Variants in CAPS2 observed in about 807,000 individuals in gnomAD.
CAPS2 encodes calcyphosin-2.
In CAPS2, 98 loss-of-function variants were observed where a neutral mutation model predicts 86.5. The observed-to-expected ratio is 1.13, with a 90% CI of 0.96 to 1.34. The LOEUF is 1.34. CAPS2 is among the 40% of genes most tolerant of loss of function. The probability of loss-of-function intolerance (pLI) is 0.00; values close to 1 mark genes in which losing one functional copy is unlikely to be tolerated. For synonymous variants in CAPS2, 210 were observed against 225.1 expected (o/e 0.93, Z 0.60); for missense variants, 729 against 686.8 (o/e 1.06, Z -0.69).
Position 75,317,414 on chromosome 12 carries a change from G to C in CAPS2, c.469-980C>G, listed in dbSNP as rs370106418. On this transcript the variant is annotated intron_variant, in intron 5 of 16. Coordinates refer to ENST00000393284, the Ensembl canonical transcript of CAPS2. The stretch of plus-strand genomic sequence containing the variant: ...CCAAAAAGATGCTTAGCATTTATAG[G>C]TAAATTAAGCAGATTAATTTAATGC... Among the ~76,000 whole-genome samples the C allele has an allele frequency of 4.6e-5, 7 of 152,126 alleles. No individual in the cohort carries two copies. In the South Asian group the frequency reaches 1.5e-3, roughly 32 times the overall value.
chr12:75,341,231 T>C (rs975036202), intron 1 of CAPS2, among the ~76,000 whole-genome samples: 1 of 152,164 alleles, frequency 6.6e-6, no homozygotes, highest in African/African-American at 2.4e-5. Context: ...ATGTTTGTAA[T>C]AGCTCAAACT....
chr12:75,360,084 T>TG (rs755424427), intron 1 of CAPS2: 10 of 152,212 alleles, frequency 6.6e-5, no homozygotes, highest in Admixed American at 3.3e-4. Context: ...GAGAACAGCA[T>TG]GGGGGAAACT....
chr12:75,376,312 C>A (rs980913135), intron 1 of CAPS2, among the ~76,000 whole-genome samples: 2 of 152,212 alleles, frequency 1.3e-5, no homozygotes, highest in Non-Finnish European at 2.9e-5. Flanking sequence ...TTATCCCACA[C>A]CCTTAATATC....
In CAPS2 at chr12:75,278,158, G is replaced by T. The variant is rs558816193; in HGVS notation, c.*732C>A. On this transcript the variant is annotated 3_prime_UTR_variant, in exon 17 of 17. Transcript: ENST00000393284. ...AATAACAATCGTATGCTGGTAAAAA[G>T]GATTACAGTTAAAAAGCAGAATAAA... The T allele has an allele frequency of 1.0e-5, 10 of 955,092 alleles. No homozygotes were observed. In the African/African-American group the frequency reaches 1.8e-4, roughly 17 times the overall value. The allele number at this position is 955,092 out of a possible 1,614,324, so 59.2% of individuals were successfully genotyped here.
At chr12:75,293,842 CAA>C (rs955432467) in intron 11 of CAPS2, among the ~76,000 whole-genome samples, 2 of 152,184 alleles carry the variant, frequency 1.3e-5, no homozygotes, top group Non-Finnish European at 2.9e-5. Flanking sequence ...AAATTCCTAT[CAA>C]AAAATCTTAT....
At chr12:75,368,387 T>C (rs1381941440) in intron 1 of CAPS2, among the ~76,000 whole-genome samples, 1 of 151,924 alleles carries the variant, frequency 6.6e-6, no homozygotes, top group Non-Finnish European at 1.5e-5. Flanking sequence ...TCTCTTGAAC[T>C]AATGCTACTT....
At chr12:75,316,788 T>A (rs2039816585) in intron 5 of CAPS2, among the ~76,000 whole-genome samples, 1 of 152,212 alleles carries the variant, frequency 6.6e-6, no homozygotes, top group African/African-American at 2.4e-5. Context: ...TATTGTCCAA[T>A]TTGAATCTTT....
upstream of CAPS2, among the ~76,000 whole-genome samples, chr12:75,327,699 A>T (rs2040916632): frequency 6.6e-6 from 1 of 151,494 alleles, no homozygotes; most frequent in African/African-American, 2.4e-5. Flanking sequence ...CTATGAACCA[A>T]TGTTTCTATG....
intron 16 of CAPS2, 62 bp from the exon 17 acceptor site, chr12:75,279,127 G>A: frequency 7.5e-7 from 1 of 1,341,428 alleles, no homozygotes; most frequent in Non-Finnish European, 1.0e-6. Context: ...GACTGATGAT[G>A]ATAAAGGAAT....
rs1451418520 is a variant in CAPS2 at position 75,305,371 on chromosome 12, T to C, written c.660-495A>G. 8.1e-6 allele frequency: 3 copies of C among 371,878 alleles called. No homozygotes were observed. In the East Asian group the frequency reaches 1.8e-4, roughly 23 times the overall value. 23.0% of individuals were successfully genotyped at this position (371,878 alleles called of 1,614,324 possible). On this transcript the variant is annotated intron_variant, in intron 7 of 16. Transcript: ENST00000393284. ...TAAAAGGTGAGAGTACAAGACTTCC[T>C]CTCCAGGAGTCGGCGGAGGGAGGGC...
At chr12:75,306,081 G>C in intron 7 of CAPS2, 1 of 1,466,722 alleles carries the variant, frequency 6.8e-7, no homozygotes, top group East Asian at 2.3e-5. Flanking sequence ...GCGCGTCCTG[G>C]GGCTGCGGCC....
At chr12:75,328,699 T>A (rs1198483724), upstream of CAPS2, among the ~76,000 whole-genome samples, 1 of 152,220 alleles carries the variant, frequency 6.6e-6, no homozygotes, top group Admixed American at 6.5e-5. Flanking sequence ...TTAGATAAGA[T>A]GTTTAAAGCA....
chr12:75,336,413 T>C (rs1410122351), intron 1 of CAPS2, among the ~76,000 whole-genome samples: 1 of 151,774 alleles, frequency 6.6e-6, no homozygotes, highest in Non-Finnish European at 1.5e-5. Context: ...TCAGATTGGA[T>C]TAATGCTTTT....
intron 1 of CAPS2, among the ~76,000 whole-genome samples, chr12:75,341,928 A>T (rs775120224): frequency 3.3e-5 from 5 of 151,756 alleles, no homozygotes; most frequent in Non-Finnish European, 7.4e-5. Context: ...TTGTATTTTT[A>T]GTAGCGATGG....
intron 1 of CAPS2, among the ~76,000 whole-genome samples, chr12:75,356,906 G>A (rs2043190132): frequency 6.6e-6 from 1 of 152,126 alleles, no homozygotes; most frequent in Non-Finnish European, 1.5e-5. Flanking sequence ...GAAGGCTACA[G>A]TGCTAGGCAC....
Position 75,375,930 on chromosome 12 carries a change from C to T in CAPS2, c.-395+14908G>A, listed in dbSNP as rs191378418. On this transcript the variant is annotated intron_variant, in intron 1 of 5. Coordinates refer to the CAPS2 transcript ENST00000551829. ...GGTTCCCACTGTAAGATCTGGCATA[C>T]GGAGAGGAGCAATTGCAGACTTCAA... Among the ~76,000 whole-genome samples the T allele has an allele frequency of 1.4e-4, 21 of 152,288 alleles. No homozygotes were observed. The East Asian group carries it at 2.9e-3, about 21-fold the overall frequency.
chr12:75,387,334 G>A (rs1031459340), intron 1 of CAPS2, among the ~76,000 whole-genome samples: 2 of 152,024 alleles, frequency 1.3e-5, no homozygotes, highest in Admixed American at 1.3e-4. Flanking sequence ...CCAGGAAAAC[G>A]CACATTAAAA....
chr12:75,292,720 A>T (rs2036206401), intron 12 of CAPS2, among the ~76,000 whole-genome samples: 1 of 147,510 alleles, frequency 6.8e-6, no homozygotes, highest in African/African-American at 2.5e-5. Context: ...TATTATATAT[A>T]ATATCACAGG....
At chr12:75,390,674 T>C (rs1381458985) in intron 1 of CAPS2, among the ~76,000 whole-genome samples, 1 of 152,030 alleles carries the variant, frequency 6.6e-6, no homozygotes, top group Non-Finnish European at 1.5e-5. Flanking sequence ...CGCAGAAAAA[T>C]CATTTCACCT....
Sources: allele counts gnomAD v4.1 joint callset (sites outside exome capture counted in the v4.1 genomes callset), GRCh38; gene constraint gnomAD v4.1.1; transcripts MANE v1.5; gene names NCBI Gene and HGNC (gene_info 2026-07-23, HGNC 2026-07-21).